Variants in SLC25A15 observed in about 807,000 individuals in gnomAD.
SLC25A15 encodes the protein mitochondrial ornithine transporter 1.
In SLC25A15, 24 loss-of-function variants were observed where a neutral mutation model predicts 32.3. The observed-to-expected ratio is 0.74, with a 90% CI of 0.54 to 1.04. The LOEUF is 1.04. Among genes scored for constraint, SLC25A15 ranks in the 50% least tolerant of loss-of-function variants. The pLI is 0.00. For synonymous variants in SLC25A15, 132 were observed against 142.1 expected, an observed-to-expected ratio of 0.93 and a Z score of 0.51; for missense variants, 317 against 374.5, an observed-to-expected ratio of 0.85 and a Z score of 1.27.
chr13:40,807,732 C>A (rs1402344742), intron 5 of SLC25A15, among the ~76,000 whole-genome samples: 2 of 152,148 alleles, frequency 1.3e-5, no homozygotes, highest in Non-Finnish European at 2.9e-5. Flanking sequence ...TTTTCTGGAT[C>A]TATTTTAGGG....
chr13:40,798,744 A>C, intron 2 of SLC25A15: 1 of 985,094 alleles, frequency 1.0e-6, no homozygotes, highest in South Asian at 4.7e-5. Flanking sequence ...CCAGGATCTC[A>C]CAGCAAAGCC....
intron 1 of SLC25A15, among the ~76,000 whole-genome samples, chr13:40,791,422 A>G (rs936977806): frequency 3.3e-5 from 5 of 150,870 alleles, no homozygotes; most frequent in Non-Finnish European, 7.4e-5. Context: ...CAGTGGCACA[A>G]TCTCGGCTCA....
At chr13:40,801,996 C>T (rs1881909671) in intron 3 of SLC25A15, 1 of 152,222 alleles carries the variant, frequency 6.6e-6, no homozygotes, top group African/African-American at 2.4e-5. Flanking sequence ...TAATAATGTG[C>T]TTGGTGTTCA....
At chr13:40,789,841 G>C (rs1351388694) in intron 1 of SLC25A15, among the ~76,000 whole-genome samples, 178 bp downstream of exon 1, 1 of 152,062 alleles carries the variant, frequency 6.6e-6, no homozygotes, top group African/African-American at 2.4e-5. Flanking sequence ...CGGGGTTGTC[G>C]GCCTCCTTCC....
At position 40,812,319 on chromosome 13, in the gene SLC25A15, AT is replaced by A. The variant is rs111506631; in HGVS notation, c.*2662del. On this transcript the variant is annotated 3_prime_UTR_variant, in exon 7 of 7. Transcript: ENST00000338625. Reference sequence around the variant, plus strand: ...GAACGGAAACTTAGGTTGGGAGAATATTTTTTTTTTATTCATTCTGTTTGCT... The same window carrying A: ...GAACGGAAACTTAGGTTGGGAGAATATTTTTTTTTATTCATTCTGTTTGCT... Among the ~76,000 whole-genome samples the A allele has an allele frequency of 7.3e-5, 11 of 150,328 alleles. No homozygotes were observed. The highest frequency in any genetic ancestry group is 1.5e-4 in the African/African-American group (6 of 40,986).
At position 40,799,290 on chromosome 13, in the gene SLC25A15, G is replaced by A. The variant is rs1881789877; in HGVS notation, c.289G>A (p.Gly97Arg). 2 of 1,613,998 alleles carry A rather than the reference G, an allele frequency of 1.2e-6. No homozygotes were observed. The highest frequency in any genetic ancestry group is 1.7e-5 in the Admixed American group (1 of 60,002). The stretch of plus-strand genomic sequence containing the variant: ...CCAGCAGGTGGTGCGGAAAGTGGCT[G>A]GATTGGACAAGCAGGCAAAGCTGAG... Reference protein sequence around the residue: ...FCQQVVRKVAGLDKQAKLSDL... With the variant: ...FCQQVVRKVARLDKQAKLSDL... The change falls in exon 3 of 7, where the codon GGA (glycine) becomes AGA (arginine). Residue 97 changes from glycine to arginine, a missense_variant. Transcript: ENST00000338625.
rs1882470352 is a variant in SLC25A15, at chr13:40,811,889, GAGCCAGA to G, written c.*2230_*2236del. 6.6e-6 allele frequency among the ~76,000 whole-genome samples: 1 copy of G among 152,176 alleles called. No individual in the cohort carries two copies. Among genetic ancestry groups the G allele is most frequent in the Admixed American group, 6.5e-5 (1 of 15,276 alleles). On this transcript the variant is annotated 3_prime_UTR_variant, in exon 7 of 7. Transcript: ENST00000338625. ...ATCCTCTGTGGCAACTGTAATCACA[GAGCCAGA>G]AGCCAGAGGGCCAGGGATATGAGAG... is the stretch of plus-strand genomic sequence containing the variant.
At position 40,812,105 on chromosome 13, in the gene SLC25A15, G is replaced by A. The variant is rs181523869; in HGVS notation, c.*2438G>A. Among the ~76,000 whole-genome samples the A allele has an allele frequency of 7.9e-4, 120 of 152,296 alleles. No homozygotes were observed. The highest frequency in any genetic ancestry group is 3.4e-3 in the Middle Eastern group (1 of 294). The stretch of plus-strand genomic sequence containing the variant: ...GTGGTGCTTTATCTGAATAGGCCTG[G>A]ATCGAAGTAAAATAGAAATGGGACT... On this transcript the variant is annotated 3_prime_UTR_variant, in exon 7 of 7. Transcript: ENST00000338625.
In SLC25A15 at chr13:40,799,058, AG is replaced by A. The variant is rs1566121215; in HGVS notation, c.59del (p.Gly20ValfsTer6). ...AGCAGTCATCTGTCCTGATTGCAGG[AG>A]GTACAGCATGTGTACTGACCGGGCA... ...AIDLTAGAAG[G>X]TACVLTGQPF... On this transcript the variant is annotated frameshift_variant and splice_region_variant, in exon 3 of 7. Coordinates refer to ENST00000338625, the MANE Select transcript of SLC25A15 (RefSeq NM_014252.4). LOFTEE classifies it high-confidence loss of function. The A allele has an allele frequency of 2.5e-6, 4 of 1,614,192 alleles. No homozygotes were observed. Among genetic ancestry groups the A allele is most frequent in the Non-Finnish European group, 2.5e-6 (3 of 1,180,032 alleles).
At chr13:40,794,005 G>A (rs1157195398) in intron 2 of SLC25A15, among the ~76,000 whole-genome samples, 1 of 152,210 alleles carries the variant, frequency 6.6e-6, no homozygotes, top group East Asian at 1.9e-4. Context: ...ACCACTTACT[G>A]TCCCTGCTAG....
In SLC25A15 at chr13:40,799,183, G is replaced by A. The variant is rs34615430; in HGVS notation, c.182G>A (p.Arg61His). The A allele has an allele frequency of 4.2e-3, 6,857 of 1,614,208 alleles. 15 individuals are homozygous for A. Among genetic ancestry groups the A allele is most frequent in the Non-Finnish European group, 5.4e-3 (6,412 of 1,180,044 alleles). The change falls in exon 3 of 7, where the codon CGT (arginine) becomes CAT (histidine). Residue 61 changes from arginine to histidine, a missense_variant. Coordinates refer to ENST00000338625, the MANE Select transcript of SLC25A15 (RefSeq NM_014252.4). ...CLKTYSQVGF[R>H]GFYKGTSPAL... ...AAGACTTACTCCCAGGTGGGCTTCC[G>A]TGGCTTCTACAAGGGTACCAGTCCA...
intron 2 of SLC25A15, among the ~76,000 whole-genome samples, chr13:40,793,721 G>T (rs1593288475): frequency 6.6e-6 from 1 of 152,202 alleles, no homozygotes; most frequent in Non-Finnish European, 1.5e-5. Flanking sequence ...TCTCCCTCCA[G>T]TACTTTACCT....
In SLC25A15 at chr13:40,809,417, A is replaced by G. The variant is rs535171500; in HGVS notation, c.782-126A>G. On this transcript the variant is annotated intron_variant, in intron 6 of 6. Transcript: ENST00000338625. ...GGAAAAGCTGGGAATGCATCCTTCT[A>G]TGACTTGTTGGTTTTTAGCACTGTT... The G allele has an allele frequency of 1.2e-4, 147 of 1,177,956 alleles. 2 individuals are homozygous for G. Among genetic ancestry groups the G allele is most frequent in the Middle Eastern group, 1.1e-3 (4 of 3,568 alleles). The allele number at this position is 1,177,956 out of a possible 1,614,324, so 73.0% of individuals were successfully genotyped here.
chr13:40,798,729 C>T (rs1881756884), intron 2 of SLC25A15: 2 of 982,970 alleles, frequency 2.0e-6, no homozygotes, highest in Non-Finnish European at 2.4e-6. Flanking sequence ...AGTTACATGG[C>T]TTGTCCAGGA....
intron 1 of SLC25A15, among the ~76,000 whole-genome samples, chr13:40,791,627 G>C (rs758651788): frequency 9.2e-5 from 14 of 152,014 alleles, no homozygotes; most frequent in Non-Finnish European, 1.3e-4. Flanking sequence ...AAAGTGCTGG[G>C]ATTACAGGCG....
In SLC25A15 at chr13:40,811,256, T is replaced by C. The variant is rs567475177; in HGVS notation, c.*1589T>C. Among the ~76,000 whole-genome samples the C allele has an allele frequency of 6.6e-6, 1 of 152,274 alleles. No individual in the cohort carries two copies. Among genetic ancestry groups the C allele is most frequent in the East Asian group, 1.9e-4 (1 of 5,180 alleles). On this transcript the variant is annotated 3_prime_UTR_variant, in exon 7 of 7. Transcript: ENST00000338625. ...CTATAATCCCAGCACTTTGGGAGGCTGAGGCGGGCGGGTCACAAGGTCAGG... is the reference window on the plus strand; with the variant it reads ...CTATAATCCCAGCACTTTGGGAGGCCGAGGCGGGCGGGTCACAAGGTCAGG...
chr13:40,805,196 G>T lies in SLC25A15; in HGVS notation c.393G>T (p.Lys131Asn). The stretch of plus-strand genomic sequence containing the variant: ...TGCTCTGCCCCACGGAGCTCGTGAA[G>T]TGCCGGCTGCAGACCATGTATGAGA... Reference protein sequence around the residue: ...ALVLCPTELVKCRLQTMYEME... With the variant: ...ALVLCPTELVNCRLQTMYEME... Residue 131 changes from lysine (K) to asparagine (N), a missense_variant, in exon 4 of 7, where the codon AAG (lysine) becomes AAT (asparagine). Coordinates refer to ENST00000338625, the MANE Select transcript of SLC25A15 (RefSeq NM_014252.4). 1 of 1,614,230 alleles carries T rather than the reference G, an allele frequency of 6.2e-7. No individual in the cohort carries two copies. Among genetic ancestry groups the T allele is most frequent in the Admixed American group, 1.7e-5 (1 of 60,028 alleles).
intron 6 of SLC25A15, 118 bp downstream of exon 6, chr13:40,808,714 A>G (rs1882302958): frequency 3.7e-6 from 3 of 817,238 alleles, no homozygotes; most frequent in Non-Finnish European, 5.9e-6. Context: ...CAGGTGGATC[A>G]TGAGGTCAGG....
rs1181397249 is a variant in SLC25A15 at position 40,807,278 on chromosome 13, CTG to C, written c.453-12_453-11del. 4 of 1,613,638 alleles carry C rather than the reference CTG, an allele frequency of 2.5e-6. No homozygotes were observed. The highest frequency in any genetic ancestry group is 2.2e-5 in the East Asian group (1 of 44,890). ...CACCTGCTGTAACCGTGCTATCTCTCTGTGTCTCCTCCCAGTACAGTGTGGTC... is the reference window on the plus strand; with the variant it reads ...CACCTGCTGTAACCGTGCTATCTCTCTGTCTCCTCCCAGTACAGTGTGGTC... On this transcript the variant is annotated splice_polypyrimidine_tract_variant and intron_variant, in intron 4 of 6. Coordinates refer to ENST00000338625, the MANE Select transcript of SLC25A15 (RefSeq NM_014252.4).
Sources: gnomAD v4.1 joint callset for allele counts (sites outside exome capture counted in the v4.1 genomes callset) on GRCh38, gnomAD v4.1.1 for gene constraint, MANE v1.5 for transcripts, NCBI Gene and HGNC (gene_info 2026-07-23, HGNC 2026-07-21) for gene names.